Variants in RHOBTB1 observed in about 807,000 individuals in gnomAD.
RHOBTB1 encodes rho-related BTB domain-containing protein 1.
Under a neutral mutation model 71.6 loss-of-function variants are expected in RHOBTB1, and 40 were observed. The ratio of observed to expected loss-of-function variants is 0.56; its 90% CI spans 0.43 to 0.73. RHOBTB1 has a LOEUF of 0.73. Among genes scored for constraint, RHOBTB1 ranks in the 30% least tolerant of loss-of-function variants. RHOBTB1 has a pLI of 0.00. For synonymous variants in RHOBTB1, 319 were observed against 334.9 expected (o/e 0.95, Z 0.52); for missense variants, 797 against 894.0 (o/e 0.89, Z 1.38).
chr10:60,871,721 C>A, intron 10 of RHOBTB1, 70 bp from the exon 11 acceptor site: 1 of 1,410,526 alleles, frequency 7.1e-7, no homozygotes, highest in Non-Finnish European at 9.7e-7. Flanking sequence ...AGGCCTTGAG[C>A]TTAAAGCTTC....
At chr10:60,903,019 A>G (rs544908464) in intron 4 of RHOBTB1, among the ~76,000 whole-genome samples, 2 of 152,328 alleles carry the variant, frequency 1.3e-5, no homozygotes, top group South Asian at 4.1e-4. Context: ...TTTTCCCGCA[A>G]TACAGTTATT....
At chr10:60,955,043 CT>C (rs34012455) in intron 2 of RHOBTB1, among the ~76,000 whole-genome samples, 3,384 of 112,800 alleles carry the variant, frequency 0.03, 73 homozygotes, top group African/African-American at 0.073. Context: ...TTCTTTCTTT[CT>C]TTTTTTTTTT....
intron 1 of RHOBTB1, among the ~76,000 whole-genome samples, chr10:60,992,874 G>A (rs1170068836): frequency 6.6e-6 from 1 of 152,120 alleles, no homozygotes; most frequent in East Asian, 1.9e-4. Flanking sequence ...TAGCCCCACA[G>A]AGAATGCCAC....
the RHOBTB1 span, among the ~76,000 whole-genome samples, chr10:60,862,644 C>T: frequency 6.8e-6 from 1 of 147,922 alleles, no homozygotes; most frequent in Admixed American, 6.8e-5. Context: ...TTTTTCCTTT[C>T]TCCCTTTCTT....
intron 1 of RHOBTB1, among the ~76,000 whole-genome samples, chr10:60,942,900 T>A (rs2084981511): frequency 6.6e-6 from 1 of 151,460 alleles, no homozygotes; most frequent in South Asian, 2.1e-4. Flanking sequence ...GTGCAGAACG[T>A]ACACCACCGC....
At position 60,871,354 on chromosome 10, in the gene RHOBTB1, G is replaced by A. The variant is rs557798173; in HGVS notation, c.*128C>T. On this transcript the variant is annotated 3_prime_UTR_variant, in exon 11 of 11. Transcript: ENST00000337910. ...ACAAAGATAAATGCACAAAAGTGGAGGAAGATCAGTGCCCGAAACCTGAAC... is the reference window on the plus strand; with the variant it reads ...ACAAAGATAAATGCACAAAAGTGGAAGAAGATCAGTGCCCGAAACCTGAAC... 3.2e-5 allele frequency: 27 copies of A among 845,020 alleles called. No homozygotes were observed. Among genetic ancestry groups the A allele is most frequent in the South Asian group, 1.7e-4 (9 of 53,260 alleles). The allele number at this position is 845,020 out of a possible 1,614,324, so 52.3% of individuals were successfully genotyped here.
chr10:60,985,704 T>G (rs899272448), intron 2 of RHOBTB1: 1 of 152,222 alleles, frequency 6.6e-6, no homozygotes, highest in Non-Finnish European at 1.5e-5. Context: ...ATATTTCTAT[T>G]TTTTGTGAAA....
At chr10:60,985,394 G>T (rs1463316896) in intron 2 of RHOBTB1, among the ~76,000 whole-genome samples, 3 of 152,148 alleles carry the variant, frequency 2.0e-5, no homozygotes, top group Non-Finnish European at 1.5e-5. Context: ...CAGTGCCCAG[G>T]CCAAAAAGGG....
At chr10:60,960,672 A>G (rs2134513056) in intron 2 of RHOBTB1, among the ~76,000 whole-genome samples, 1 of 152,328 alleles carries the variant, frequency 6.6e-6, no homozygotes, top group Middle Eastern at 3.4e-3. Flanking sequence ...ATGGGAGATC[A>G]TAATCCAAGT....
chr10:60,979,968 T>C (rs1366912485), intron 2 of RHOBTB1, among the ~76,000 whole-genome samples: 2 of 152,042 alleles, frequency 1.3e-5, no homozygotes, highest in African/African-American at 4.8e-5. Flanking sequence ...GGCTGGAATA[T>C]AGTAGAATGG....
At chr10:60,916,101 T>C (rs926294284) in intron 2 of RHOBTB1, among the ~76,000 whole-genome samples, 4 of 152,158 alleles carry the variant, frequency 2.6e-5, no homozygotes, top group African/African-American at 9.7e-5. Flanking sequence ...CTATTTCCCT[T>C]CCTCTTGAAT....
At chr10:60,902,211 C>T (rs555022506) in intron 4 of RHOBTB1, among the ~76,000 whole-genome samples, 2 of 152,252 alleles carry the variant, frequency 1.3e-5, no homozygotes, top group Admixed American at 1.3e-4. Flanking sequence ...ATCTTCTGTG[C>T]GCCAGATGAT....
chr10:60,983,657 C>CT (rs1460208790), intron 2 of RHOBTB1, among the ~76,000 whole-genome samples: 1 of 152,184 alleles, frequency 6.6e-6, no homozygotes. Context: ...TAGATGCACT[C>CT]TAATACACCT....
upstream of RHOBTB1, among the ~76,000 whole-genome samples, chr10:60,947,397 A>G (rs73266049): frequency 0.026 from 3,927 of 152,282 alleles, 120 homozygotes; most frequent in African/African-American, 0.075. Context: ...AAGTCATAGG[A>G]TTAAAAAAAA....
chr10:60,881,712 GT>G (rs1399128466), intron 7 of RHOBTB1, among the ~76,000 whole-genome samples: 1 of 152,066 alleles, frequency 6.6e-6, no homozygotes. Context: ...TTACCTTAGC[GT>G]TTTTTGGCAA....
chr10:60,892,742 C>T, intron 5 of RHOBTB1, 68 bp downstream of exon 5: 1 of 1,408,446 alleles, frequency 7.1e-7, no homozygotes, highest in Non-Finnish European at 9.7e-7. Context: ...CACCAGGCTA[C>T]AGAGACACCT....
rs535067649 is a variant in RHOBTB1, at chr10:60,967,043, G to A, written c.-62+18802C>T. ...CAATGGTGCTTTTGGGAAAAATAAAGCAGGGTGGGGGTGAGGGAGCGATGC... is the reference window on the plus strand; with the variant it reads ...CAATGGTGCTTTTGGGAAAAATAAAACAGGGTGGGGGTGAGGGAGCGATGC... On this transcript the variant is annotated intron_variant, in intron 2 of 11. Transcript: ENST00000357917. Among the ~76,000 whole-genome samples, 11 of 152,168 alleles carry A rather than the reference G, an allele frequency of 7.2e-5. No individual in the cohort carries two copies. In the South Asian group the frequency reaches 2.3e-3, roughly 32 times the overall value.
intron 8 of RHOBTB1, among the ~76,000 whole-genome samples, chr10:60,875,925 A>G (rs188727146): frequency 8.4e-4 from 128 of 152,332 alleles, no homozygotes; most frequent in Middle Eastern, 3.4e-3. Context: ...GGTCTTTGAC[A>G]TTGATGTCAT....
At chr10:60,945,800 C>G (rs187609625), upstream of RHOBTB1, among the ~76,000 whole-genome samples, 26 of 152,168 alleles carry the variant, frequency 1.7e-4, no homozygotes, top group Non-Finnish European at 3.4e-4. Flanking sequence ...TCTTTGATAT[C>G]AGAAAGAGAG....
Sources: gnomAD v4.1 joint callset for allele counts (sites outside exome capture counted in the v4.1 genomes callset) on GRCh38, gnomAD v4.1.1 for gene constraint, MANE v1.5 for transcripts, NCBI Gene and HGNC (gene_info 2026-07-23, HGNC 2026-07-21) for gene names.